Variants in ZFPM2 observed in about 807,000 individuals in gnomAD.
ZFPM2 encodes the protein zinc finger protein ZFPM2.
Under a neutral mutation model 98.6 loss-of-function variants are expected in ZFPM2, and 20 were observed. The ratio of observed to expected loss-of-function variants is 0.20; its 90% CI spans 0.14 to 0.29. The LOEUF (loss-of-function observed/expected upper bound fraction) is 0.29, where lower values mean the gene tolerates loss of function less well. Ranked by LOEUF, ZFPM2 falls within the 10% of genes least tolerant of loss-of-function variation. The pLI, the probability that ZFPM2 is intolerant of heterozygous loss-of-function variation, is 1.00. For missense variants in ZFPM2, 1,310 were observed against 1,388.6 expected, an observed-to-expected ratio of 0.94 and a Z score of 0.90; for synonymous variants, 518 against 502.7, an observed-to-expected ratio of 1.03 and a Z score of -0.41.
At chr8:105,584,004 A>T (rs1815658632) in intron 4 of ZFPM2, among the ~76,000 whole-genome samples, 1 of 152,166 alleles carries the variant, frequency 6.6e-6, no homozygotes, top group African/African-American at 2.4e-5. Context: ...CTGCTTTATT[A>T]AAAAAATTCC....
intron 5 of ZFPM2, among the ~76,000 whole-genome samples, chr8:105,783,056 A>C (rs1813298047): frequency 6.6e-6 from 1 of 152,124 alleles, no homozygotes; most frequent in Admixed American, 6.6e-5. Flanking sequence ...TCCCGAGTTC[A>C]TTCAAATGAA....
chr8:105,788,829 C>G lies in ZFPM2; in HGVS notation c.644C>G (p.Thr215Arg). ...RLQAASQMTLTEGMYPARLLD... is the reference protein window; with the variant it reads ...RLQAASQMTLREGMYPARLLD... ...CAAGCTGCCAGTCAGATGACTCTCA[C>G]AGAAGGGATGTACCCTGCACGCCTG... The change falls in exon 6 of 8, where the codon ACA becomes AGA. Residue 215 changes from threonine to arginine, a missense_variant. Transcript: ENST00000407775. 6.2e-7 allele frequency: 1 copy of G among 1,613,976 alleles called. No individual in the cohort carries two copies. The highest frequency in any genetic ancestry group is 8.5e-7 in the Non-Finnish European group (1 of 1,179,880).
chr8:105,412,276 C>T (rs1811591596), intron 1 of ZFPM2, among the ~76,000 whole-genome samples: 1 of 151,698 alleles, frequency 6.6e-6, no homozygotes, highest in Non-Finnish European at 1.5e-5. Flanking sequence ...TCTCTAATAT[C>T]TTTTTTTGCA....
intron 3 of ZFPM2, among the ~76,000 whole-genome samples, chr8:105,504,850 A>G (rs1208491519): frequency 1.3e-5 from 2 of 152,178 alleles, no homozygotes; most frequent in African/African-American, 2.4e-5. Flanking sequence ...ACAAGTTTAA[A>G]GTACCTAATT....
chr8:105,319,066 C>A, intron 1 of ZFPM2, 85 bp downstream of exon 1: 10 of 1,420,518 alleles, frequency 7.0e-6, no homozygotes, highest in Non-Finnish European at 9.4e-6. Flanking sequence ...GGGTGGGTGG[C>A]GGGGCTAGGG....
At chr8:105,485,905 G>A (rs1813222027) in intron 3 of ZFPM2, among the ~76,000 whole-genome samples, 1 of 152,050 alleles carries the variant, frequency 6.6e-6, no homozygotes, top group Non-Finnish European at 1.5e-5. Flanking sequence ...AAAATTTAAG[G>A]CATTACCGGT....
chr8:105,745,398 G>T (rs1812319679), intron 5 of ZFPM2, among the ~76,000 whole-genome samples: 1 of 152,060 alleles, frequency 6.6e-6, no homozygotes, highest in African/African-American at 2.4e-5. Flanking sequence ...TAAACATGTT[G>T]TAACTGTACT....
chr8:105,375,943 T>C (rs1351442), intron 1 of ZFPM2, among the ~76,000 whole-genome samples: 85,534 of 151,908 alleles, frequency 0.56, 24,360 homozygotes, highest in Admixed American at 0.63. Context: ...ACAAAATCCT[T>C]TCTTAACCCC....
rs185767456 is a variant in ZFPM2, at chr8:105,403,589, T to C, written c.41-15555T>C. Among the ~76,000 whole-genome samples, 33 of 152,174 alleles carry C rather than the reference T, an allele frequency of 2.2e-4. No homozygotes were observed. In the East Asian group the frequency reaches 5.6e-3, roughly 26 times the overall value. On this transcript the variant is annotated intron_variant, in intron 1 of 7. Coordinates refer to ENST00000407775, the MANE Select transcript of ZFPM2 (RefSeq NM_012082.4). Reference sequence around the variant, plus strand: ...AGAAGAAAGTTGAGTCTTTTTTTTTTCAGTCATTAGCATGTTGTTTGTCCT... The same window carrying C: ...AGAAGAAAGTTGAGTCTTTTTTTTTCCAGTCATTAGCATGTTGTTTGTCCT...
At chr8:105,521,133 A>G (rs1231531644) in intron 3 of ZFPM2, among the ~76,000 whole-genome samples, 1 of 61,116 alleles carries the variant, frequency 1.6e-5, no homozygotes, top group Non-Finnish European at 2.8e-5. Flanking sequence ...ATATATATAT[A>G]CACACACACA....
At chr8:105,589,100 T>C (rs1815789005) in intron 4 of ZFPM2, among the ~76,000 whole-genome samples, 1 of 152,216 alleles carries the variant, frequency 6.6e-6, no homozygotes, top group South Asian at 2.1e-4. Flanking sequence ...AGAGAAACCC[T>C]AGTAGTTCTT....
chr8:105,444,893 T>G (rs573501225), intron 3 of ZFPM2, among the ~76,000 whole-genome samples: 3 of 152,266 alleles, frequency 2.0e-5, no homozygotes, highest in African/African-American at 7.2e-5. Context: ...ATCTTGACAT[T>G]TAATCATTTA....
chr8:105,318,816 G>A lies in ZFPM2; in HGVS notation c.-126G>A, dbSNP rs1314557587. The A allele has an allele frequency of 2.4e-6, 1 of 424,996 alleles. No homozygotes were observed. Among genetic ancestry groups the A allele is most frequent in the Non-Finnish European group, 3.1e-6 (1 of 319,256 alleles). 26.3% of individuals were successfully genotyped at this position (424,996 alleles called of 1,614,324 possible). On this transcript the variant is annotated 5_prime_UTR_variant, in exon 1 of 8. Transcript: ENST00000407775. ...GAGCCCAGCGCCCGGAGCACCTGGA[G>A]TCCGGCCGGCGGCGGGCCGAGCCTG...
At chr8:105,678,623 A>G (rs1346871807) in intron 5 of ZFPM2, 4 of 152,210 alleles carry the variant, frequency 2.6e-5, no homozygotes, top group Non-Finnish European at 4.4e-5. Flanking sequence ...ACTAAGTCTG[A>G]TAACTAACAA....
chr8:105,713,144 T>C (rs1168212962), intron 5 of ZFPM2, among the ~76,000 whole-genome samples: 1 of 152,072 alleles, frequency 6.6e-6, no homozygotes, highest in Non-Finnish European at 1.5e-5. Context: ...TAATTTACAT[T>C]CCAGTAACAG....
At chr8:105,320,054 A>C (rs1190245901) in intron 1 of ZFPM2, among the ~76,000 whole-genome samples, 2 of 152,186 alleles carry the variant, frequency 1.3e-5, no homozygotes, top group African/African-American at 4.8e-5. Flanking sequence ...GTCTGCAATT[A>C]GTTTTAAACA....
Position 105,514,003 on chromosome 8 carries a change from C to CT in ZFPM2, c.302-47346dup, listed in dbSNP as rs111594419. Among the ~76,000 whole-genome samples the CT allele has an allele frequency of 8.8e-3, 1,244 of 140,738 alleles. 18 individuals carry two copies. The highest frequency in any genetic ancestry group is 0.026 in the African/African-American group (977 of 38,196). The allele number at this position is 140,738 out of a possible 152,430, so 92.3% of individuals were successfully genotyped here. ...TTTGAAATTAGTAGGTCCGGAGTGT[C>CT]TTTTTTTTTTTTTTCCCAAGATTAA... On this transcript the variant is annotated intron_variant, in intron 3 of 7. Coordinates refer to ENST00000407775, the MANE Select transcript of ZFPM2 (RefSeq NM_012082.4).
At chr8:105,489,464 A>T (rs867340679) in intron 3 of ZFPM2, among the ~76,000 whole-genome samples, 76 of 78,888 alleles carry the variant, frequency 9.6e-4, no homozygotes, top group African/African-American at 4.4e-3. Context: ...ATATATATAT[A>T]TATTTTTTTT....
intron 3 of ZFPM2, among the ~76,000 whole-genome samples, chr8:105,464,273 GCTTT>G (rs1199424078): frequency 5.9e-5 from 9 of 151,894 alleles, no homozygotes; most frequent in Non-Finnish European, 1.0e-4. Context: ...CACATTTGAT[GCTTT>G]CTATTTTATA....
Sources: allele counts gnomAD v4.1 joint callset (sites outside exome capture counted in the v4.1 genomes callset), GRCh38; gene constraint gnomAD v4.1.1; transcripts MANE v1.5; gene names NCBI Gene and HGNC (gene_info 2026-07-23, HGNC 2026-07-21).